The following PHACTR1 variants were observed in gnomAD, a reference collection of about 807,000 sequenced individuals.
The protein encoded by PHACTR1 is RPEL repeat containing 1.
A neutral mutation model predicts 69.2 loss-of-function variants in PHACTR1; 16 were observed. That is an observed-to-expected ratio of 0.23 (90% CI 0.16 to 0.35). The LOEUF is 0.35. PHACTR1 is among the 10% of genes least tolerant of loss of function. PHACTR1 has a pLI of 1.00. For synonymous variants in PHACTR1, 312 were observed against 284.5 expected, an observed-to-expected ratio of 1.10 and a Z score of -0.97; for missense variants, 510 against 734.7, an observed-to-expected ratio of 0.69 and a Z score of 3.54.
chr6:13,088,014 A>G (rs1259958850), intron 5 of PHACTR1, among the ~76,000 whole-genome samples: 1 of 152,110 alleles, frequency 6.6e-6, no homozygotes, highest in Non-Finnish European at 1.5e-5. Flanking sequence ...GCGAAACACT[A>G]GAAACCTTCT....
intron 5 of PHACTR1, among the ~76,000 whole-genome samples, chr6:13,117,414 T>C (rs1332704783): frequency 1.3e-5 from 2 of 152,212 alleles, no homozygotes; most frequent in Non-Finnish European, 2.9e-5. Flanking sequence ...GGGAAATGGG[T>C]ATCTATGAAT....
At chr6:13,254,543 AGT>A (rs1491384610) in intron 10 of PHACTR1, among the ~76,000 whole-genome samples, 1 of 152,240 alleles carries the variant, frequency 6.6e-6, no homozygotes, top group African/African-American at 2.4e-5. Flanking sequence ...GGATATCCAT[AGT>A]GTCCCAAATC....
At chr6:13,175,451 G>A (rs1761191680) in intron 6 of PHACTR1, among the ~76,000 whole-genome samples, 1 of 152,154 alleles carries the variant, frequency 6.6e-6, no homozygotes, top group Admixed American at 6.6e-5. Flanking sequence ...GCTAGTGATG[G>A]CCAGGATAAC....
intron 4 of PHACTR1, among the ~76,000 whole-genome samples, chr6:12,921,521 G>T (rs1787663174): frequency 7.7e-6 from 1 of 129,990 alleles, no homozygotes; most frequent in Non-Finnish European, 1.6e-5. Context: ...GGAAGGAAGG[G>T]GAGGGAGGGA....
chr6:12,885,321 T>C (rs964443627), intron 4 of PHACTR1, among the ~76,000 whole-genome samples: 9 of 152,222 alleles, frequency 5.9e-5, no homozygotes, highest in African/African-American at 2.2e-4. Flanking sequence ...TCTGTCCACA[T>C]CCCTTGCAGG....
At chr6:13,247,364 T>A (rs79354192) in intron 10 of PHACTR1, among the ~76,000 whole-genome samples, 23 of 150,068 alleles carry the variant, frequency 1.5e-4, no homozygotes, top group African/African-American at 4.2e-4. Flanking sequence ...TGTGTGTGTG[T>A]GACGGAGTTT....
chr6:12,744,904 C>T (rs1311824065), intron 3 of PHACTR1, among the ~76,000 whole-genome samples: 1 of 152,040 alleles, frequency 6.6e-6, no homozygotes, highest in Admixed American at 6.6e-5. Context: ...ACTTGCCTTA[C>T]TTCCCTGGCC....
At chr6:13,269,968 G>A (rs767589977) in intron 10 of PHACTR1, among the ~76,000 whole-genome samples, 1 of 152,194 alleles carries the variant, frequency 6.6e-6, no homozygotes, top group Non-Finnish European at 1.5e-5. Flanking sequence ...TGGACATCCT[G>A]TAATTCAATT....
chr6:13,200,968 T>C (rs1765155466), intron 7 of PHACTR1, among the ~76,000 whole-genome samples: 1 of 149,682 alleles, frequency 6.7e-6, no homozygotes, highest in Non-Finnish European at 1.5e-5. Context: ...AGAAAAAAAT[T>C]AAAAAAAGAA....
At chr6:12,985,528 TAAAAAA>T (rs149850503) in intron 4 of PHACTR1, among the ~76,000 whole-genome samples, 1 of 134,900 alleles carries the variant, frequency 7.4e-6, no homozygotes, top group African/African-American at 2.7e-5. Context: ...TACTACAAAT[TAAAAAA>T]AAAAAAAATA....
chr6:13,189,733 T>C (rs969023164), intron 7 of PHACTR1, among the ~76,000 whole-genome samples: 5 of 152,196 alleles, frequency 3.3e-5, no homozygotes, highest in Non-Finnish European at 5.9e-5. Flanking sequence ...CAGCTTTCTT[T>C]GTGTTTTAGC....
intron 11 of PHACTR1, 70 bp downstream of exon 11, chr6:13,272,985 A>G (rs981698224): frequency 6.3e-6 from 10 of 1,591,200 alleles, no homozygotes; most frequent in African/African-American, 4.1e-5. Flanking sequence ...ATGGTAGGCC[A>G]CAAGGTTTCT....
intron 10 of PHACTR1, among the ~76,000 whole-genome samples, chr6:13,271,580 G>A (rs1223403): frequency 0.17 from 25,390 of 151,986 alleles, 2,300 homozygotes; most frequent in South Asian, 0.33. Context: ...ATAAAATGGC[G>A]TAGTATTTGC....
At chr6:13,094,488 G>T (rs999821207) in intron 5 of PHACTR1, among the ~76,000 whole-genome samples, 1 of 151,520 alleles carries the variant, frequency 6.6e-6, no homozygotes, top group Non-Finnish European at 1.5e-5. Flanking sequence ...AGAGAGGGGG[G>T]GTTTCACCAT....
intron 7 of PHACTR1, among the ~76,000 whole-genome samples, chr6:13,185,228 G>C (rs1432398956): frequency 6.6e-6 from 1 of 152,206 alleles, no homozygotes; most frequent in Non-Finnish European, 1.5e-5. Context: ...CATATGCCAA[G>C]AGCTTTCAGT....
chr6:12,984,592 T>C (rs1013920278), intron 4 of PHACTR1, among the ~76,000 whole-genome samples: 26 of 152,360 alleles, frequency 1.7e-4, no homozygotes, highest in Admixed American at 1.7e-3. Flanking sequence ...CCTCTGGTGT[T>C]CCAAGAAAGA....
intron 4 of PHACTR1, among the ~76,000 whole-genome samples, chr6:12,763,221 C>A (rs751570994): frequency 1.2e-4 from 9 of 77,012 alleles, no homozygotes; most frequent in Non-Finnish European, 3.0e-4. Flanking sequence ...TCAAAAACAA[C>A]AACAACAACA....
chr6:12,728,501 T>A (rs537000773), intron 3 of PHACTR1, among the ~76,000 whole-genome samples: 1 of 152,316 alleles, frequency 6.6e-6, no homozygotes, highest in East Asian at 1.9e-4. Flanking sequence ...TGTTTAGGAC[T>A]TGAGCTTTAG....
chr6:12,872,545 C>T (rs1424362451), intron 4 of PHACTR1, among the ~76,000 whole-genome samples: 2 of 152,160 alleles, frequency 1.3e-5, no homozygotes, highest in Non-Finnish European at 2.9e-5. Flanking sequence ...TTACTCAACT[C>T]TCCATGTATG....
Sources: allele counts gnomAD v4.1 joint callset (sites outside exome capture counted in the v4.1 genomes callset), GRCh38; gene constraint gnomAD v4.1.1; transcripts MANE v1.5; gene names NCBI Gene and HGNC (gene_info 2026-07-23, HGNC 2026-07-21).